The following IL1RAPL2 variants were observed in gnomAD, a reference collection of about 807,000 sequenced individuals.
IL1RAPL2 encodes X-linked interleukin-1 receptor accessory protein-like 2.
IL1RAPL2 carries 3 observed loss-of-function variants against 44.1 expected under a neutral mutation model. That is an observed-to-expected ratio of 0.07 (90% CI 0.03 to 0.18). The LOEUF (loss-of-function observed/expected upper bound fraction) is 0.18. Among genes scored for constraint, IL1RAPL2 ranks in the 10% least tolerant of loss-of-function variants. The pLI, the probability that IL1RAPL2 is intolerant of heterozygous loss-of-function variation, is 1.00. For synonymous variants in IL1RAPL2, 181 were observed against 178.8 expected, an observed-to-expected ratio of 1.01 and a Z score of -0.10; for missense variants, 391 against 496.4, an observed-to-expected ratio of 0.79 and a Z score of 2.02.
chrX:105,600,906 A>G (rs1406096969), intron 6 of IL1RAPL2, among the ~76,000 whole-genome samples: 1 of 111,301 alleles, frequency 9.0e-6, no homozygotes, highest in Non-Finnish European at 1.9e-5. Flanking sequence ...CACTCTCATT[A>G]ACATATGATA....
chrX:105,447,095 A>ATATATG lies in IL1RAPL2; in HGVS notation c.698-37213_698-37212insGTATAT, dbSNP rs1219603689. Among the ~76,000 whole-genome samples the ATATATG allele has an allele frequency of 2.7e-4, 16 of 58,259 alleles. 1 individual carries two copies. In the East Asian group the frequency reaches 6.9e-3, roughly 25 times the overall value. 50.6% of individuals were successfully genotyped at this position (58,259 alleles called of 115,157 possible). ...TAAAATTATATATATATATATATAT[A>ATATATG]TATATATATATAAAAATATATATAA... On this transcript the variant is annotated intron_variant, in intron 5 of 10. Coordinates refer to ENST00000372582, the MANE Select transcript of IL1RAPL2 (RefSeq NM_017416.2).
At chrX:105,296,058 A>T (rs2034652617) in intron 5 of IL1RAPL2, among the ~76,000 whole-genome samples, 1 of 111,355 alleles carries the variant, frequency 9.0e-6, no homozygotes, top group South Asian at 3.8e-4. Flanking sequence ...CAATCCATTT[A>T]TTTAATATTA....
chrX:105,245,819 AC>A (rs746712174), intron 4 of IL1RAPL2, among the ~76,000 whole-genome samples: 1 of 112,646 alleles, frequency 8.9e-6, no homozygotes, highest in South Asian at 3.7e-4. Context: ...GTGATTAGTT[AC>A]CTCAGTTGGT....
At chrX:104,633,068 C>G (rs1019100222) in intron 1 of IL1RAPL2, among the ~76,000 whole-genome samples, 8 of 111,492 alleles carry the variant, frequency 7.2e-5, no homozygotes, top group Non-Finnish European at 1.3e-4. Flanking sequence ...TGAATTTTGT[C>G]AAAGGCCTTT....
At chrX:105,701,565 G>T (rs1296551368) in intron 6 of IL1RAPL2, among the ~76,000 whole-genome samples, 1 of 111,134 alleles carries the variant, frequency 9.0e-6, no homozygotes, top group Non-Finnish European at 1.9e-5. Context: ...CAGGGCAGCT[G>T]TAGATTGATG....
At chrX:105,080,244 T>C (rs183129059) in intron 2 of IL1RAPL2, among the ~76,000 whole-genome samples, 1 of 112,174 alleles carries the variant, frequency 8.9e-6, no homozygotes, top group African/African-American at 3.2e-5. Context: ...TTTGTCTATT[T>C]TGGCTTTTGT....
At chrX:105,521,329 A>G (rs1222317053) in intron 6 of IL1RAPL2, among the ~76,000 whole-genome samples, 2 of 110,325 alleles carry the variant, frequency 1.8e-5, no homozygotes, top group Non-Finnish European at 3.8e-5. Flanking sequence ...ATGTACTCAC[A>G]TGGGGATCTG....
At chrX:105,000,548 A>G (rs1470575439) in intron 2 of IL1RAPL2, among the ~76,000 whole-genome samples, 1 of 111,314 alleles carries the variant, frequency 9.0e-6, no homozygotes, top group Non-Finnish European at 1.9e-5. Context: ...TATTTTATTC[A>G]TGTTCAAAAA....
At chrX:104,771,218 T>G (rs189587016) in intron 2 of IL1RAPL2, among the ~76,000 whole-genome samples, 432 of 112,339 alleles carry the variant, frequency 3.8e-3, no homozygotes, top group African/African-American at 0.013. Context: ...TCAGCATAGC[T>G]TTACTCCCAC....
At chrX:105,118,815 C>T (rs2032889886) in intron 2 of IL1RAPL2, among the ~76,000 whole-genome samples, 1 of 111,864 alleles carries the variant, frequency 8.9e-6, no homozygotes, top group African/African-American at 3.2e-5. Context: ...TCATCATGTG[C>T]CATAGCTCAA....
At chrX:105,519,664 A>T (rs1488484426) in intron 6 of IL1RAPL2, among the ~76,000 whole-genome samples, 1 of 111,285 alleles carries the variant, frequency 9.0e-6, no homozygotes, top group African/African-American at 3.3e-5. Context: ...GGGAAGAGTA[A>T]AGAAACGCTA....
intron 2 of IL1RAPL2, among the ~76,000 whole-genome samples, chrX:104,825,708 C>A (rs1921431984): frequency 8.9e-6 from 1 of 112,129 alleles, no homozygotes; most frequent in Admixed American, 9.5e-5. Context: ...TTTCCTATTA[C>A]AAAATATATT....
At chrX:104,733,172 T>A (rs1449634751) in intron 2 of IL1RAPL2, among the ~76,000 whole-genome samples, 1 of 111,840 alleles carries the variant, frequency 8.9e-6, no homozygotes, top group African/African-American at 3.2e-5. Context: ...GACAAAGTAA[T>A]CTTGCCTGCT....
At chrX:104,781,391 G>T (rs1414875460) in intron 2 of IL1RAPL2, among the ~76,000 whole-genome samples, 1 of 112,071 alleles carries the variant, frequency 8.9e-6, no homozygotes, top group African/African-American at 3.2e-5. Context: ...TTAAACAGTT[G>T]ACTGATATTA....
chrX:104,651,251 A>T lies in IL1RAPL2; in HGVS notation c.-19-7644A>T, dbSNP rs1396189015. 2.7e-5 allele frequency among the ~76,000 whole-genome samples: 3 copies of T among 112,137 alleles called. No individual in the cohort carries two copies. In the Admixed American group the frequency reaches 2.8e-4, roughly 11 times the overall value. On this transcript the variant is annotated intron_variant, in intron 1 of 10. Transcript: ENST00000372582. ...TCTGTAGTTAAATTGTACAGTTCCA[A>T]TGATTATTTCCCTATTCACAGTCAA...
chrX:104,599,539 T>C (rs761580836), intron 1 of IL1RAPL2, among the ~76,000 whole-genome samples: 2 of 110,259 alleles, frequency 1.8e-5, no homozygotes, highest in East Asian at 2.9e-4. Context: ...TGAGTCACCA[T>C]GCCTGGTTGA....
chrX:105,518,964 A>C (rs1018004435), intron 6 of IL1RAPL2, among the ~76,000 whole-genome samples: 4 of 111,732 alleles, frequency 3.6e-5, no homozygotes, highest in African/African-American at 1.3e-4. Context: ...GGTAGAAAAA[A>C]GATAAAGAAT....
At chrX:105,074,393 T>G (rs1029260216) in intron 2 of IL1RAPL2, among the ~76,000 whole-genome samples, 1 of 111,398 alleles carries the variant, frequency 9.0e-6, no homozygotes, top group Non-Finnish European at 1.9e-5. Context: ...TCTGTTCCAT[T>G]GGTCTATATC....
intron 1 of IL1RAPL2, among the ~76,000 whole-genome samples, chrX:104,619,857 G>A (rs769922888): frequency 8.9e-6 from 1 of 112,014 alleles, no homozygotes; most frequent in South Asian, 3.7e-4. Flanking sequence ...AAGTACAGGT[G>A]CAATGGAAAT....
Sources: gnomAD v4.1 joint callset for allele counts (sites outside exome capture counted in the v4.1 genomes callset) on GRCh38, gnomAD v4.1.1 for gene constraint, MANE v1.5 for transcripts, NCBI Gene and HGNC (gene_info 2026-07-23, HGNC 2026-07-21) for gene names.